Variants in PSD3 observed in about 807,000 individuals in gnomAD.
PSD3 encodes the protein pleckstrin and Sec7 domain containing 3, also known as PH and SEC7 domain-containing protein 3.
PSD3 carries 49 observed loss-of-function variants against 105.5 expected under a neutral mutation model. That is an observed-to-expected ratio of 0.46 (90% CI 0.37 to 0.59). PSD3 has a LOEUF of 0.59. Among genes scored for constraint, PSD3 ranks in the 20% least tolerant of loss-of-function variants. PSD3 has a pLI of 0.00. For synonymous variants in PSD3, 557 were observed against 457.8 expected, an observed-to-expected ratio of 1.22 and a Z score of -2.77; for missense variants, 1,561 against 1,263.8, an observed-to-expected ratio of 1.24 and a Z score of -3.57.
chr8:18,572,630 A>C lies in PSD3; in HGVS notation c.2682T>G (p.Cys894Trp). Residue 894 changes from cysteine to tryptophan, a missense_variant, in exon 14 of 16, where the codon TGT becomes TGG. By Grantham distance (215) the Cys-to-Trp change is radical. Transcript: ENST00000327040. ...GTGGTGCAGAAAATACAGCTGCCAC[A>C]CAATTGATTTTGTTTATCCACCCTT... ...EMQGWINKIN[C>W]VAAVFSAPPF... 2 of 1,614,084 alleles carry C rather than the reference A, an allele frequency of 1.2e-6. No individual in the cohort carries two copies. Among genetic ancestry groups the C allele is most frequent in the Admixed American group, 1.7e-5 (1 of 60,016 alleles).
chr8:18,766,822 T>C (rs573306130), intron 8 of PSD3, among the ~76,000 whole-genome samples: 1 of 152,326 alleles, frequency 6.6e-6, no homozygotes, highest in African/African-American at 2.4e-5. Flanking sequence ...GCAACCTGAA[T>C]AGGGCCACAG....
intron 1 of PSD3, among the ~76,000 whole-genome samples, chr8:18,956,340 G>C (rs1462096852): frequency 1.3e-5 from 2 of 152,194 alleles, no homozygotes; most frequent in African/African-American, 4.8e-5. Flanking sequence ...TGATCCAGCA[G>C]GTCTGGGGTG....
chr8:18,813,133 C>A (rs111247513), intron 4 of PSD3, among the ~76,000 whole-genome samples: 232 of 152,148 alleles, frequency 1.5e-3, no homozygotes, highest in African/African-American at 5.4e-3. Flanking sequence ...AATGGAAGAA[C>A]GGGATGAGTG....
At chr8:18,638,732 G>C (rs1042656678) in intron 10 of PSD3, among the ~76,000 whole-genome samples, 2 of 151,884 alleles carry the variant, frequency 1.3e-5, no homozygotes, top group African/African-American at 4.8e-5. Flanking sequence ...TATAGGGATA[G>C]AAAAAATACT....
chr8:18,915,896 G>T (rs1405144543), intron 2 of PSD3, among the ~76,000 whole-genome samples: 1 of 152,054 alleles, frequency 6.6e-6, no homozygotes, highest in South Asian at 2.1e-4. Flanking sequence ...GGGAGTTAGA[G>T]ACCAGCCTGA....
At chr8:18,842,049 A>T (rs2129451403) in intron 4 of PSD3, among the ~76,000 whole-genome samples, 1 of 152,310 alleles carries the variant, frequency 6.6e-6, no homozygotes, top group South Asian at 2.1e-4. Context: ...CCAAAAACCC[A>T]GTAAGACCTC....
intron 1 of PSD3, among the ~76,000 whole-genome samples, chr8:19,026,151 A>G (rs531475796): frequency 3.3e-5 from 5 of 152,284 alleles, no homozygotes; most frequent in Non-Finnish European, 7.4e-5. Context: ...ATTGCCTCCT[A>G]CTGGGTCCCT....
chr8:18,647,598 T>C (rs1208046954), intron 10 of PSD3, among the ~76,000 whole-genome samples: 1 of 144,220 alleles, frequency 6.9e-6, no homozygotes, highest in Non-Finnish European at 1.5e-5. Context: ...GTTCATTATT[T>C]AAAACTGTTT....
intron 15 of PSD3, among the ~76,000 whole-genome samples, chr8:18,540,194 G>A (rs185197861): frequency 2.2e-4 from 34 of 152,288 alleles, no homozygotes; most frequent in Admixed American, 2.2e-3. Flanking sequence ...TCTGATAGAA[G>A]GTGGTAGGCA....
intron 15 of PSD3, among the ~76,000 whole-genome samples, chr8:18,540,538 A>C (rs1271840961): frequency 1.3e-5 from 2 of 152,086 alleles, no homozygotes; most frequent in African/African-American, 2.4e-5. Context: ...CTTTTTCTCT[A>C]ATGTCTCACA....
At chr8:18,612,003 T>C (rs1215335330) in intron 11 of PSD3, among the ~76,000 whole-genome samples, 1 of 152,162 alleles carries the variant, frequency 6.6e-6, no homozygotes, top group Non-Finnish European at 1.5e-5. Flanking sequence ...TCACATTGTC[T>C]AAGGTGGAAT....
chr8:18,871,112 A>C, intron 3 of PSD3, among the ~76,000 whole-genome samples: 1 of 152,180 alleles, frequency 6.6e-6, no homozygotes, highest in Non-Finnish European at 1.5e-5. Flanking sequence ...ATAAATAAAT[A>C]AACAAACAAA....
Position 18,527,456 on chromosome 8 carries a change from C to A in PSD3, c.*8287G>T, listed in dbSNP as rs968149767. 1.3e-5 allele frequency: 2 copies of A among 152,462 alleles called. No homozygotes were observed. The highest frequency in any genetic ancestry group is 2.4e-5 in the African/African-American group (1 of 41,392). The allele number at this position is 152,462 out of a possible 1,614,324, so 9.4% of individuals were successfully genotyped here. ...TTGTTGCCGTAAAACAACAAAATAT[C>A]CCCAACTTATAAAAACACAGGAACA... On this transcript the variant is annotated 3_prime_UTR_variant, in exon 16 of 16. Transcript: ENST00000327040.
chr8:18,762,003 G>C (rs113569794), intron 9 of PSD3, among the ~76,000 whole-genome samples: 317 of 152,242 alleles, frequency 2.1e-3, no homozygotes, highest in African/African-American at 7.4e-3. Context: ...GTGAAAGAAG[G>C]GGCAGGAAAT....
chr8:18,694,332 CA>C (rs1801141484), intron 9 of PSD3, among the ~76,000 whole-genome samples: 1 of 152,210 alleles, frequency 6.6e-6, no homozygotes, highest in Non-Finnish European at 1.5e-5. Context: ...AAGTTCCAGC[CA>C]GGCGCGGTGG....
chr8:18,887,182 A>G (rs1366529100), intron 2 of PSD3: 1 of 152,208 alleles, frequency 6.6e-6, no homozygotes, highest in African/African-American at 2.4e-5. Flanking sequence ...GGTTCTCTTT[A>G]AAAGGGTTTA....
At chr8:18,697,928 A>C (rs181496741) in intron 9 of PSD3, among the ~76,000 whole-genome samples, 31 of 152,342 alleles carry the variant, frequency 2.0e-4, no homozygotes, top group Admixed American at 5.2e-4. Flanking sequence ...TTGTGGAAAG[A>C]TGAATAATGG....
At chr8:18,691,521 C>T (rs1209747011) in intron 9 of PSD3, among the ~76,000 whole-genome samples, 1 of 152,194 alleles carries the variant, frequency 6.6e-6, no homozygotes, top group African/African-American at 2.4e-5. Flanking sequence ...ACTCTTCTTT[C>T]TGTGCTACAA....
chr8:19,009,884 T>C (rs1826874739), intron 1 of PSD3, among the ~76,000 whole-genome samples: 1 of 152,068 alleles, frequency 6.6e-6, no homozygotes, highest in Non-Finnish European at 1.5e-5. Context: ...GAGTGAGATC[T>C]TGTGTCAACA....
Sources: allele counts gnomAD v4.1 joint callset (sites outside exome capture counted in the v4.1 genomes callset), GRCh38; gene constraint gnomAD v4.1.1; transcripts MANE v1.5; gene names NCBI Gene and HGNC (gene_info 2026-07-23, HGNC 2026-07-21).